The following ZNF407 variants were observed in gnomAD, a reference collection of about 807,000 sequenced individuals.
The protein encoded by ZNF407 is zinc finger protein 407.
A neutral mutation model predicts 131.2 loss-of-function variants in ZNF407; 17 were observed. The ratio of observed to expected loss-of-function variants is 0.13; its 90% CI spans 0.09 to 0.19. The LOEUF (loss-of-function observed/expected upper bound fraction) is 0.19, where lower values mean the gene tolerates loss of function less well. Among genes scored for constraint, ZNF407 ranks in the 10% least tolerant of loss-of-function variants. The probability of loss-of-function intolerance (pLI) is 1.00; values close to 1 mark genes in which losing one functional copy is unlikely to be tolerated. For missense variants in ZNF407, 2,681 were observed against 2,830.6 expected, an observed-to-expected ratio of 0.95 and a Z score of 1.20; for synonymous variants, 1,156 against 1,062.0, an observed-to-expected ratio of 1.09 and a Z score of -1.72.
intron 6 of ZNF407, among the ~76,000 whole-genome samples, chr18:74,883,337 C>A (rs1340766417): frequency 6.6e-6 from 1 of 152,166 alleles, no homozygotes; most frequent in East Asian, 1.9e-4. Context: ...CAACACACAA[C>A]CTTTTTCCCC....
chr18:75,031,593 T>G (rs1973241148), intron 8 of ZNF407, among the ~76,000 whole-genome samples: 1 of 152,220 alleles, frequency 6.6e-6, no homozygotes. Context: ...ACAACAGTAG[T>G]TTTCAGCAGT....
chr18:74,916,828 G>A (rs1337588600), intron 7 of ZNF407, among the ~76,000 whole-genome samples: 3 of 151,080 alleles, frequency 2.0e-5, no homozygotes, highest in Non-Finnish European at 1.5e-5. Flanking sequence ...GTATGGTGAG[G>A]TTGTATGCAG....
intron 3 of ZNF407, among the ~76,000 whole-genome samples, chr18:74,688,502 A>G (rs1159402903): frequency 6.6e-6 from 1 of 152,222 alleles, no homozygotes; most frequent in Non-Finnish European, 1.5e-5. Flanking sequence ...TCTCTTACCA[A>G]TGTCATTGGA....
intron 8 of ZNF407, among the ~76,000 whole-genome samples, chr18:74,949,906 G>T (rs988329728): frequency 4.6e-5 from 7 of 152,152 alleles, no homozygotes; most frequent in African/African-American, 1.7e-4. Context: ...TCAATTCAGA[G>T]AATTAAAATG....
intron 7 of ZNF407, among the ~76,000 whole-genome samples, chr18:74,917,203 A>G (rs932705283): frequency 7.2e-5 from 11 of 152,116 alleles, no homozygotes; most frequent in African/African-American, 2.4e-4. Context: ...TTATTACCCA[A>G]AGAGACTCCA....
chr18:74,880,721 C>G (rs1173000169), intron 5 of ZNF407, among the ~76,000 whole-genome samples: 1 of 152,150 alleles, frequency 6.6e-6, no homozygotes, highest in African/African-American at 2.4e-5. Context: ...TGTAAAATAT[C>G]AGGATATGCA....
At position 74,632,167 on chromosome 18, in the gene ZNF407, A is replaced by G. The variant is rs745996763; in HGVS notation, c.1148A>G (p.Asp383Gly). 2.9e-5 allele frequency: 47 copies of G among 1,613,872 alleles called. 1 individual carries two copies. The highest frequency in any genetic ancestry group is 3.3e-4 in the Middle Eastern group (2 of 6,084). Residue 383 changes from aspartate to glycine, a missense_variant, in exon 2 of 9, where the codon GAC becomes GGC. Physicochemically the swap from Asp to Gly is moderately conservative, Grantham distance 94. Around this residue, in one of 6 missense-constraint regions of ZNF407, gnomAD observed 1,789 missense variants for 1,748.7 expected, o/e 1.02. Transcript: ENST00000299687. Reference sequence around the variant, plus strand: ...CCTGAAAACCAGAGTAGAAAGCTAGACACCTTAGTAACCTCAGAGGGTCTC... The same window carrying G: ...CCTGAAAACCAGAGTAGAAAGCTAGGCACCTTAGTAACCTCAGAGGGTCTC... ...QNPENQSRKL[D>G]TLVTSEGLLE... is the part of the protein sequence containing the mutation.
intron 8 of ZNF407, among the ~76,000 whole-genome samples, chr18:74,988,607 T>C (rs1405288696): frequency 6.6e-6 from 1 of 151,574 alleles, no homozygotes; most frequent in East Asian, 1.9e-4. Context: ...AAAATAGCAT[T>C]GTTCAATTCT....
At chr18:74,707,710 T>C (rs768529333) in intron 3 of ZNF407, among the ~76,000 whole-genome samples, 2 of 152,250 alleles carry the variant, frequency 1.3e-5, no homozygotes, top group African/African-American at 2.4e-5. Flanking sequence ...TCTTATACTT[T>C]AAGCACTATT....
chr18:74,943,183 T>C (rs1351854354), intron 8 of ZNF407, among the ~76,000 whole-genome samples: 1 of 152,228 alleles, frequency 6.6e-6, no homozygotes, highest in East Asian at 1.9e-4. Flanking sequence ...CCCAAAGTGC[T>C]GAGATTACAG....
chr18:74,668,940 C>T (rs961633809), intron 3 of ZNF407, among the ~76,000 whole-genome samples: 3 of 151,946 alleles, frequency 2.0e-5, no homozygotes, highest in South Asian at 2.1e-4. Flanking sequence ...TGTTCTCATG[C>T]GTGTCACGTT....
intron 6 of ZNF407, among the ~76,000 whole-genome samples, chr18:74,885,654 G>A (rs1971299004): frequency 6.6e-6 from 1 of 152,168 alleles, no homozygotes; most frequent in African/African-American, 2.4e-5. Context: ...GAAGAGAATG[G>A]AGATTGCAGA....
At chr18:74,849,522 C>G (rs1372519810) in intron 4 of ZNF407, among the ~76,000 whole-genome samples, 1 of 152,032 alleles carries the variant, frequency 6.6e-6, no homozygotes, top group Non-Finnish European at 1.5e-5. Context: ...AGTGTGTGGT[C>G]AGGGGTGGGG....
intron 8 of ZNF407, among the ~76,000 whole-genome samples, chr18:75,000,483 C>T (rs535632223): frequency 1.3e-5 from 2 of 152,264 alleles, no homozygotes; most frequent in South Asian, 4.1e-4. Context: ...TTTCTTGGTG[C>T]TCCTCAAACA....
At chr18:74,849,536 G>C (rs760586630) in intron 4 of ZNF407, among the ~76,000 whole-genome samples, 2 of 152,084 alleles carry the variant, frequency 1.3e-5, no homozygotes, top group Non-Finnish European at 2.9e-5. Context: ...GGTGGGGGAC[G>C]GGGAGTTGTC....
chr18:74,756,870 GT>G (rs752152000), intron 3 of ZNF407, among the ~76,000 whole-genome samples: 13 of 152,054 alleles, frequency 8.5e-5, no homozygotes, highest in Non-Finnish European at 1.6e-4. Context: ...CATCTAGATA[GT>G]TTAGTTGGCA....
intron 3 of ZNF407, among the ~76,000 whole-genome samples, chr18:74,653,866 A>G (rs764661721): frequency 3.3e-5 from 5 of 151,862 alleles, no homozygotes; most frequent in Non-Finnish European, 7.4e-5. Flanking sequence ...TTTTTAGAAA[A>G]AAATGAATTG....
intron 8 of ZNF407, among the ~76,000 whole-genome samples, chr18:74,946,924 C>T (rs1290475997): frequency 6.6e-6 from 1 of 152,114 alleles, no homozygotes; most frequent in African/African-American, 2.4e-5. Context: ...AACTGATAGA[C>T]TTTCTGGTTA....
chr18:74,702,668 A>T (rs1967526840), intron 3 of ZNF407, among the ~76,000 whole-genome samples: 1 of 152,160 alleles, frequency 6.6e-6, no homozygotes, highest in Admixed American at 6.5e-5. Context: ...TGGTTTATCA[A>T]TCAGAAGCAG....
Sources: allele counts gnomAD v4.1 joint callset (sites outside exome capture counted in the v4.1 genomes callset), GRCh38; gene constraint gnomAD v4.1.1; regional missense constraint gnomAD v4.1.1; transcripts MANE v1.5; gene names NCBI Gene and HGNC (gene_info 2026-07-23, HGNC 2026-07-21).